TRIQK: variants seen among roughly 807,000 people sequenced by gnomAD.
TRIQK encodes the protein triple QxxK/R motif-containing protein.
TRIQK carries 10 observed loss-of-function variants against 10.8 expected under a neutral mutation model. The observed-to-expected ratio is 0.92, with a 90% confidence interval of 0.57 to 1.57. TRIQK has a LOEUF of 1.57. Ranked by LOEUF, TRIQK falls within the 40% of genes most tolerant of loss-of-function variation. The probability of loss-of-function intolerance (pLI) is 0.00; values close to 1 mark genes in which losing one functional copy is unlikely to be tolerated. For synonymous variants in TRIQK, 33 were observed against 33.7 expected (o/e 0.98, Z 0.07); for missense variants, 107 against 97.7 (o/e 1.09, Z -0.40).
intron 2 of TRIQK, among the ~76,000 whole-genome samples, chr8:92,940,213 T>C (rs966138288): frequency 6.6e-6 from 1 of 151,990 alleles, no homozygotes; most frequent in African/African-American, 2.4e-5. Context: ...GTCAAAGAAC[T>C]CCTGTAAATG....
intron 2 of TRIQK, among the ~76,000 whole-genome samples, chr8:92,923,206 T>A (rs955125371): frequency 3.3e-5 from 5 of 151,752 alleles, no homozygotes; most frequent in African/African-American, 1.2e-4. Flanking sequence ...CTTGCAGTAA[T>A]CATCATTCAT....
chr8:92,949,230 A>G (rs1563654472), intron 2 of TRIQK, among the ~76,000 whole-genome samples: 1 of 152,146 alleles, frequency 6.6e-6, no homozygotes, highest in Non-Finnish European at 1.5e-5. Flanking sequence ...TTTTAATGCT[A>G]TATTTTATGA....
intron 2 of TRIQK, among the ~76,000 whole-genome samples, chr8:92,938,761 G>A (rs1464351098): frequency 6.6e-6 from 1 of 152,110 alleles, no homozygotes; most frequent in Non-Finnish European, 1.5e-5. Context: ...CACTGAACTT[G>A]TCTTCTGCAG....
At chr8:92,899,372 C>T (rs1322485548) in intron 3 of TRIQK, among the ~76,000 whole-genome samples, 3 of 151,926 alleles carry the variant, frequency 2.0e-5, no homozygotes, top group Admixed American at 2.0e-4. Context: ...GCCCATTAAC[C>T]ATTCCCACTC....
At chr8:92,915,561 G>T (rs1418366518) in intron 3 of TRIQK, among the ~76,000 whole-genome samples, 1 of 151,212 alleles carries the variant, frequency 6.6e-6, no homozygotes, top group Non-Finnish European at 1.5e-5. Flanking sequence ...TCTGCTCACT[G>T]CAAGCTCTGC....
intron 2 of TRIQK, among the ~76,000 whole-genome samples, chr8:92,929,035 C>T (rs985192586): frequency 6.6e-6 from 1 of 152,096 alleles, no homozygotes; most frequent in African/African-American, 2.4e-5. Context: ...ATAGGAACAG[C>T]TTGGATGGGG....
chr8:92,899,761 A>G (rs1808820628), intron 3 of TRIQK, among the ~76,000 whole-genome samples: 1 of 152,124 alleles, frequency 6.6e-6, no homozygotes, highest in Admixed American at 6.5e-5. Context: ...TTTTGCATAT[A>G]TACTTAGCAG....
chr8:92,938,095 T>C (rs1265970533), intron 2 of TRIQK, among the ~76,000 whole-genome samples: 2 of 152,018 alleles, frequency 1.3e-5, no homozygotes, highest in Non-Finnish European at 2.9e-5. Flanking sequence ...TTATTTTGTC[T>C]TTAATTTTTG....
At chr8:92,923,758 C>A (rs777674812) in intron 2 of TRIQK, among the ~76,000 whole-genome samples, 9 of 151,878 alleles carry the variant, frequency 5.9e-5, no homozygotes, top group Middle Eastern at 3.4e-3. Context: ...GCTTTCTTAA[C>A]CTGAATTTTC....
chr8:92,986,549 T>G (rs1439560222), intron 1 of TRIQK, among the ~76,000 whole-genome samples: 1 of 152,212 alleles, frequency 6.6e-6, no homozygotes, highest in Non-Finnish European at 1.5e-5. Flanking sequence ...CAATACACCT[T>G]TATAACTCAT....
At chr8:92,898,210 C>G (rs1808712453) in intron 3 of TRIQK, among the ~76,000 whole-genome samples, 1 of 151,998 alleles carries the variant, frequency 6.6e-6, no homozygotes, top group South Asian at 2.1e-4. Context: ...CAAATAAAGA[C>G]AAGTTTTGAG....
chr8:92,935,680 A>G (rs553039833), intron 2 of TRIQK, among the ~76,000 whole-genome samples: 1 of 151,608 alleles, frequency 6.6e-6, no homozygotes, highest in Non-Finnish European at 1.5e-5. Flanking sequence ...TTTGAAAAAT[A>G]ATAACATGGA....
At chr8:92,920,006 T>C (rs1810089248) in intron 2 of TRIQK, among the ~76,000 whole-genome samples, 1 of 151,884 alleles carries the variant, frequency 6.6e-6, no homozygotes, top group African/African-American at 2.4e-5. Flanking sequence ...CCCATTTTAT[T>C]TGAGTTTTCT....
At chr8:92,976,469 G>T (rs138292560) in intron 1 of TRIQK, among the ~76,000 whole-genome samples, 1 of 151,660 alleles carries the variant, frequency 6.6e-6, no homozygotes, top group African/African-American at 2.4e-5. Context: ...GCTTTCTTTT[G>T]GTCAGTGTTA....
intron 1 of TRIQK, among the ~76,000 whole-genome samples, chr8:92,955,902 T>TA (rs1563659783): frequency 6.6e-6 from 1 of 151,600 alleles, no homozygotes; most frequent in African/African-American, 2.4e-5. Context: ...ATGGCTATTT[T>TA]AAAAAAATGC....
At chr8:92,893,850 G>C (rs557030846) in intron 3 of TRIQK, among the ~76,000 whole-genome samples, 1 of 151,542 alleles carries the variant, frequency 6.6e-6, no homozygotes, top group Admixed American at 6.6e-5. Context: ...ATGCTATGGC[G>C]GGGGGTGGGG....
intron 3 of TRIQK, among the ~76,000 whole-genome samples, chr8:92,900,800 G>C (rs977208962): frequency 2.0e-5 from 3 of 151,980 alleles, no homozygotes; most frequent in Admixed American, 6.6e-5. Flanking sequence ...TTTTGATAGA[G>C]ATTGCATTGA....
intron 1 of TRIQK, among the ~76,000 whole-genome samples, chr8:92,956,916 C>T (rs532661856): frequency 9.9e-5 from 15 of 151,920 alleles, no homozygotes; most frequent in African/African-American, 1.4e-4. Flanking sequence ...ATAGCAGCTA[C>T]GCATTTGTTG....
intron 3 of TRIQK, among the ~76,000 whole-genome samples, chr8:92,895,281 A>G (rs1808534145): frequency 6.6e-6 from 1 of 152,198 alleles, no homozygotes; most frequent in Admixed American, 6.5e-5. Context: ...TGTTCTTTAC[A>G]CATTTTCTAA....
Sources: allele counts gnomAD v4.1 joint callset (sites outside exome capture counted in the v4.1 genomes callset), GRCh38; gene constraint gnomAD v4.1.1; transcripts MANE v1.5; gene names NCBI Gene and HGNC (gene_info 2026-07-23, HGNC 2026-07-21).